ELMO1: variants seen among roughly 807,000 people sequenced by gnomAD.
The protein encoded by ELMO1 is engulfment and cell motility 1.
ELMO1 carries 26 observed loss-of-function variants against 98.9 expected under a neutral mutation model. That is an observed-to-expected ratio of 0.26 (90% CI 0.19 to 0.36). ELMO1 has a LOEUF of 0.36. Among genes scored for constraint, ELMO1 ranks in the 10% least tolerant of loss-of-function variants. The probability of loss-of-function intolerance (pLI) is 1.00; values close to 1 mark genes in which losing one functional copy is unlikely to be tolerated. For synonymous variants in ELMO1, 346 were observed against 346.0 expected (o/e 1.00, Z 0.00); for missense variants, 627 against 935.2 (o/e 0.67, Z 4.30).
At chr7:37,336,174 T>C (rs929376193) in intron 2 of ELMO1, among the ~76,000 whole-genome samples, 21 of 151,882 alleles carry the variant, frequency 1.4e-4, no homozygotes, top group African/African-American at 5.1e-4. Flanking sequence ...TGCAGTGAGC[T>C]TTGATTGAGC....
At chr7:37,337,848 A>T (rs531559925) in intron 2 of ELMO1, among the ~76,000 whole-genome samples, 26 of 152,298 alleles carry the variant, frequency 1.7e-4, no homozygotes, top group African/African-American at 4.8e-4. Flanking sequence ...GCTGCTCAGA[A>T]ATGGTGAGTG....
chr7:37,350,444 G>T (rs976033381), intron 1 of ELMO1, among the ~76,000 whole-genome samples: 11 of 152,346 alleles, frequency 7.2e-5, no homozygotes, highest in Non-Finnish European at 1.5e-4. Flanking sequence ...GGGGACAGCT[G>T]CCAGAAGGAG....
At chr7:37,447,120 C>T (rs1317407819) in intron 1 of ELMO1, among the ~76,000 whole-genome samples, 1 of 152,126 alleles carries the variant, frequency 6.6e-6, no homozygotes, top group Non-Finnish European at 1.5e-5. Flanking sequence ...TAGCTGCTGC[C>T]GGTTTTTGCA....
chr7:36,872,741 C>G (rs559804120), intron 19 of ELMO1, among the ~76,000 whole-genome samples: 2 of 152,238 alleles, frequency 1.3e-5, no homozygotes, highest in East Asian at 3.8e-4. Flanking sequence ...AGTTGGCTGA[C>G]TTTCCAATGG....
At chr7:37,325,299 G>A (rs1038851788) in intron 2 of ELMO1, among the ~76,000 whole-genome samples, 1 of 152,230 alleles carries the variant, frequency 6.6e-6, no homozygotes, top group African/African-American at 2.4e-5. Flanking sequence ...GACTGCCTGT[G>A]GGACACTGTC....
chr7:37,286,497 T>C (rs985962087), intron 4 of ELMO1, among the ~76,000 whole-genome samples: 1 of 152,168 alleles, frequency 6.6e-6, no homozygotes, highest in African/African-American at 2.4e-5. Flanking sequence ...ATGAAGACAG[T>C]CAGACCCACA....
intron 13 of ELMO1, among the ~76,000 whole-genome samples, chr7:37,158,992 T>C (rs1171854511): frequency 2.0e-5 from 3 of 152,210 alleles, no homozygotes; most frequent in Non-Finnish European, 2.9e-5. Context: ...GATGAGTTCA[T>C]GTGCTTTGCA....
intron 13 of ELMO1, among the ~76,000 whole-genome samples, chr7:37,190,258 C>T (rs187119038): frequency 1.3e-5 from 2 of 152,256 alleles, no homozygotes; most frequent in East Asian, 3.9e-4. Flanking sequence ...ATTTGTTCTG[C>T]AGGTTGCATG....
chr7:36,868,667 G>T (rs1419958772), intron 20 of ELMO1, among the ~76,000 whole-genome samples: 1 of 152,152 alleles, frequency 6.6e-6, no homozygotes, highest in Non-Finnish European at 1.5e-5. Flanking sequence ...TTATTCTGAG[G>T]ATGGGAGCAC....
intron 19 of ELMO1, among the ~76,000 whole-genome samples, chr7:36,877,119 G>T (rs978498755): frequency 1.3e-5 from 2 of 152,068 alleles, no homozygotes; most frequent in Non-Finnish European, 2.9e-5. Flanking sequence ...TGGGCCCCAG[G>T]GTAACAGGAC....
chr7:36,936,296 A>AC (rs900832527), intron 16 of ELMO1, among the ~76,000 whole-genome samples: 1 of 151,810 alleles, frequency 6.6e-6, no homozygotes, highest in African/African-American at 2.4e-5. Context: ...CACTACTGCC[A>AC]CCCCCTTACT....
intron 13 of ELMO1, among the ~76,000 whole-genome samples, chr7:37,153,698 C>A (rs1788521328): frequency 6.6e-6 from 1 of 152,240 alleles, no homozygotes; most frequent in Non-Finnish European, 1.5e-5. Flanking sequence ...GGCCTACTGC[C>A]TCTCTAGATT....
At chr7:37,044,220 T>C (rs1278437344) in intron 15 of ELMO1, among the ~76,000 whole-genome samples, 1 of 152,160 alleles carries the variant, frequency 6.6e-6, no homozygotes, top group African/African-American at 2.4e-5. Context: ...GGGTCCTTAC[T>C]AGTCAGCAGG....
intron 4 of ELMO1, among the ~76,000 whole-genome samples, chr7:37,282,750 T>A (rs1367715110): frequency 3.9e-5 from 6 of 152,234 alleles, no homozygotes; most frequent in African/African-American, 1.2e-4. Context: ...CTGCTCACCA[T>A]CAGAAACAGC....
Position 37,334,309 on chromosome 7 carries a change from G to A in ELMO1, c.78+8304C>T, listed in dbSNP as rs543124859. Among the ~76,000 whole-genome samples, 14 of 152,236 alleles carry A rather than the reference G, an allele frequency of 9.2e-5. No homozygotes were observed. In the South Asian group the frequency reaches 2.9e-3, roughly 32 times the overall value. On this transcript the variant is annotated intron_variant, in intron 2 of 21. Coordinates refer to ENST00000310758, the MANE Select transcript of ELMO1 (RefSeq NM_014800.11). ...AAAAATACAAAAATTAGCCAGGCAT[G>A]GTGGCGGGCACCTGTAATCCCAGCT...
chr7:36,999,459 C>T lies in ELMO1; in HGVS notation c.1437+13840G>A, dbSNP rs754709612. 3.7e-4 allele frequency among the ~76,000 whole-genome samples: 57 copies of T among 152,186 alleles called. 1 individual carries two copies. Among genetic ancestry groups the T allele is most frequent in the Non-Finnish European group, 5.9e-4 (40 of 68,040 alleles). Reference sequence around the variant, plus strand: ...TACAGGGCAGGGCAATTAACCTGCTCAAGCTCACCCAGCAAGGAAACGAAG... The same window carrying T: ...TACAGGGCAGGGCAATTAACCTGCTTAAGCTCACCCAGCAAGGAAACGAAG... On this transcript the variant is annotated intron_variant, in intron 16 of 21. Transcript: ENST00000310758.
chr7:37,297,149 TTAATAA>T (rs762023471), intron 4 of ELMO1, among the ~76,000 whole-genome samples: 8 of 152,290 alleles, frequency 5.3e-5, no homozygotes, highest in East Asian at 1.9e-4. Context: ...GCCTGGCATC[TTAATAA>T]TAATAATAAA....
intron 16 of ELMO1, among the ~76,000 whole-genome samples, chr7:36,897,325 C>CGTGTGTGTGTGT (rs11267559): frequency 0.015 from 698 of 46,994 alleles, 5 homozygotes; most frequent in East Asian, 0.032. Context: ...AGAAAACAGA[C>CGTGTGTGTGTGT]GTGTGTGTGT....
intron 7 of ELMO1, among the ~76,000 whole-genome samples, chr7:37,234,754 C>G (rs1794372499): frequency 6.6e-6 from 1 of 152,152 alleles, no homozygotes; most frequent in Non-Finnish European, 1.5e-5. Flanking sequence ...AACAAGCAAA[C>G]ATGCTTAAAG....
Sources: allele counts gnomAD v4.1 joint callset (sites outside exome capture counted in the v4.1 genomes callset), GRCh38; gene constraint gnomAD v4.1.1; transcripts MANE v1.5; gene names NCBI Gene and HGNC (gene_info 2026-07-23, HGNC 2026-07-21).